POLR2L: variants seen among roughly 807,000 people sequenced by gnomAD.
POLR2L encodes the protein DNA-directed RNA polymerases I, II, and III subunit RPABC5.
POLR2L carries 7 observed loss-of-function variants against 6.8 expected under a neutral mutation model. That is an observed-to-expected ratio of 1.03 (90% CI 0.59 to 1.94). The LOEUF (loss-of-function observed/expected upper bound fraction) is 1.94, where lower values mean the gene tolerates loss of function less well. Among genes scored for constraint, POLR2L ranks in the 30% most tolerant of loss-of-function variants. POLR2L has a pLI of 0.00. For missense variants in POLR2L, 93 were observed against 86.7 expected, an observed-to-expected ratio of 1.07 and a Z score of -0.29; for synonymous variants, 59 against 39.8, an observed-to-expected ratio of 1.48 and a Z score of -1.82.
intron 1 of POLR2L, among the ~76,000 whole-genome samples, chr11:842,044 G>A (rs944022557): frequency 1.3e-5 from 2 of 152,168 alleles, no homozygotes; most frequent in Non-Finnish European, 2.9e-5. Context: ...CGCCGCGCCC[G>A]CCCGTCCTGC....
chr11:841,540 C>A (rs540579619), intron 1 of POLR2L, among the ~76,000 whole-genome samples: 2 of 152,268 alleles, frequency 1.3e-5, no homozygotes, highest in East Asian at 3.9e-4. Context: ...CAGACTCAAG[C>A]GATTTTCTCG....
chr11:840,847 G>A (rs958336026), intron 1 of POLR2L, among the ~76,000 whole-genome samples: 3 of 152,134 alleles, frequency 2.0e-5, no homozygotes, highest in African/African-American at 4.8e-5. Flanking sequence ...CACTGGCCAC[G>A]GCAGGGTAGC....
intron 1 of POLR2L, 124 bp from the exon 2 acceptor site, chr11:840,604 C>G (rs28677123): frequency 0.66 from 440,293 of 662,286 alleles, 150,018 homozygotes; most frequent in East Asian, 0.89. Flanking sequence ...GCAAGGCGAA[C>G]AGATTCACCC....
At chr11:840,703 C>T (rs1846942692) in intron 1 of POLR2L, among the ~76,000 whole-genome samples, 1 of 152,224 alleles carries the variant, frequency 6.6e-6, no homozygotes, top group African/African-American at 2.4e-5. Context: ...GGAGCCTCCT[C>T]TCCCACCTAC....
chr11:842,088 G>A (rs1352393443), intron 1 of POLR2L, among the ~76,000 whole-genome samples: 1 of 131,596 alleles, frequency 7.6e-6, no homozygotes, highest in Admixed American at 7.2e-5. Flanking sequence ...TGGGCCTGGG[G>A]GCAGAGATGG....
At chr11:841,323 A>G (rs909699231) in intron 1 of POLR2L, among the ~76,000 whole-genome samples, 1 of 152,234 alleles carries the variant, frequency 6.6e-6, no homozygotes, top group Non-Finnish European at 1.5e-5. Context: ...GGGGGCACCA[A>G]GACTCAGGCA....
rs776345589 is a variant in POLR2L, at chr11:842,403, C to T, written c.95+11G>A. On this transcript the variant is annotated intron_variant, in intron 1 of 1. Coordinates refer to ENST00000322028, the MANE Select transcript of POLR2L (RefSeq NM_021128.5). ...GGCGGACTCAGCCCCTAGCCCCGGC[C>T]CGCGCCTCACCCCTCGGTGTACTCG... 7 of 1,573,366 alleles carry T rather than the reference C, an allele frequency of 4.4e-6. No individual in the cohort carries two copies. The South Asian group carries it at 4.6e-5, about 10-fold the overall frequency.
intron 1 of POLR2L, 140 bp downstream of exon 1, chr11:842,274 G>T (rs984131479): frequency 4.0e-6 from 2 of 497,922 alleles, no homozygotes; most frequent in Non-Finnish European, 6.9e-6. Flanking sequence ...GAGAAGCCGG[G>T]CCTGAAGCTG....
At chr11:841,251 C>T (rs185969537) in intron 1 of POLR2L, among the ~76,000 whole-genome samples, 2 of 152,350 alleles carry the variant, frequency 1.3e-5, no homozygotes, top group East Asian at 1.9e-4. Flanking sequence ...GGCAGGCTGG[C>T]GCACACAAGC....
chr11:841,886 G>C (rs1176183670), intron 1 of POLR2L, among the ~76,000 whole-genome samples: 1 of 152,176 alleles, frequency 6.6e-6, no homozygotes, highest in Non-Finnish European at 1.5e-5. Flanking sequence ...GCGACGGAGC[G>C]AGACTCCGTC....
intron 1 of POLR2L, among the ~76,000 whole-genome samples, chr11:842,163 T>C (rs1325012084): frequency 1.3e-5 from 2 of 152,212 alleles, no homozygotes; most frequent in African/African-American, 2.4e-5. Flanking sequence ...CCAGGCCACC[T>C]AGAATCCCCA....
chr11:840,440 G>A lies in POLR2L; in HGVS notation c.136C>T (p.Arg46Cys), dbSNP rs201538895. Residue 46 changes from arginine to cysteine, a missense_variant, in exon 2 of 2, where the codon CGC becomes TGC. Transcript: ENST00000322028. ...DALGLKRYCC[R>C]RMLLAHVDLI... ...TCCACGTGGGCCAGCAGCATCCGGC[G>A]GCAGCAGTAGCGCTTCAGGCCCAGG... 31 of 1,612,074 alleles carry A rather than the reference G, an allele frequency of 1.9e-5. No homozygotes were observed. In the East Asian group the frequency reaches 4.7e-4, roughly 24 times the overall value.
Position 840,592 on chromosome 11 carries a change from C to T in POLR2L, c.96-112G>A, listed in dbSNP as rs187815422. ...CTGCTGGCCTCACCCCCCCCGCCAC[C>T]GGCAAGGCGAACAGATTCACCCGGC... On this transcript the variant is annotated intron_variant, in intron 1 of 1. Coordinates refer to ENST00000322028, the MANE Select transcript of POLR2L (RefSeq NM_021128.5). The T allele has an allele frequency of 2.5e-3, 1,746 of 703,596 alleles. 3 individuals carry two copies. The highest frequency in any genetic ancestry group is 3.5e-3 in the Non-Finnish European group (1,441 of 406,584). The allele number at this position is 703,596 out of a possible 1,614,324, so 43.6% of individuals were successfully genotyped here. A position where few individuals can be genotyped will look rare whatever the true frequency, so the allele number is the denominator to read the frequency against.
chr11:842,496 C>G lies in POLR2L; in HGVS notation c.13G>C (p.Val5Leu). The G allele has an allele frequency of 1.3e-6, 2 of 1,582,128 alleles. No homozygotes were observed. The highest frequency in any genetic ancestry group is 1.7e-6 in the Non-Finnish European group (2 of 1,166,650). Residue 5 changes from valine to leucine, a missense_variant, in exon 1 of 2, where the codon GTA (valine) becomes CTA (leucine). Coordinates refer to ENST00000322028, the MANE Select transcript of POLR2L (RefSeq NM_021128.5). ...ATCTTGCCACAAGTGAAGCAGCGTA[C>G]AGGGATGATCATGGCGGCGGCGCGT... is the stretch of plus-strand genomic sequence containing the variant. Reference protein sequence around the residue: MIIPVRCFTCGKIVG... With the variant: MIIPLRCFTCGKIVG...
At position 840,434 on chromosome 11, in the gene POLR2L, T is replaced by C; in HGVS notation, c.142A>G (p.Met48Val). ...ATCAGGTCCACGTGGGCCAGCAGCA[T>C]CCGGCGGCAGCAGTAGCGCTTCAGG... ...LGLKRYCCRR[M>V]LLAHVDLIEK... is the part of the protein sequence containing the mutation. Residue 48 changes from methionine (M) to valine (V), a missense_variant, in exon 2 of 2, where the codon ATG becomes GTG. By Grantham distance (21) the Met-to-Val change is conservative. Transcript: ENST00000322028. 1.4e-5 allele frequency: 22 copies of C among 1,612,308 alleles called. No homozygotes were observed. The highest frequency in any genetic ancestry group is 1.6e-5 in the Non-Finnish European group (19 of 1,179,810).
At chr11:841,313 G>C (rs1020352433) in intron 1 of POLR2L, among the ~76,000 whole-genome samples, 1 of 152,194 alleles carries the variant, frequency 6.6e-6, no homozygotes, top group Non-Finnish European at 1.5e-5. Context: ...AGACTCCAGC[G>C]GGGGCACCAA....
intron 1 of POLR2L, among the ~76,000 whole-genome samples, chr11:841,104 G>A (rs1364001039): frequency 2.0e-5 from 3 of 152,380 alleles, no homozygotes; most frequent in African/African-American, 7.2e-5. Flanking sequence ...AGACACAGAA[G>A]CTTGGGAAAG....
chr11:841,926 T>C (rs758958352), intron 1 of POLR2L, among the ~76,000 whole-genome samples: 1 of 152,076 alleles, frequency 6.6e-6, no homozygotes, highest in Non-Finnish European at 1.5e-5. Context: ...TAAAATAAAT[T>C]TCTGGAGATC....
Position 840,493 on chromosome 11 carries a change from G to C in POLR2L, c.96-13C>G. 6.4e-7 allele frequency: 1 copy of C among 1,561,854 alleles called. No individual in the cohort carries two copies. Among genetic ancestry groups the C allele is most frequent in the Non-Finnish European group, 8.8e-7 (1 of 1,136,806 alleles). On this transcript the variant is annotated splice_polypyrimidine_tract_variant and intron_variant, in intron 1 of 1. Coordinates refer to ENST00000322028, the MANE Select transcript of POLR2L (RefSeq NM_021128.5). ...ATCCAGCGCATCCCTGTGTCGAGGG[G>C]AGGAGCAGAGGCCAACTGAGTTCTC...
Sources: gnomAD v4.1 joint callset for allele counts (sites outside exome capture counted in the v4.1 genomes callset) on GRCh38, gnomAD v4.1.1 for gene constraint, MANE v1.5 for transcripts, NCBI Gene and HGNC (gene_info 2026-07-23, HGNC 2026-07-21) for gene names.